The following FBXO34 variants were observed in gnomAD, a reference collection of about 807,000 sequenced individuals.
FBXO34 encodes the protein F-box only protein 34.
FBXO34 carries 12 observed loss-of-function variants against 24.5 expected under a neutral mutation model. The observed-to-expected ratio is 0.49, with a 90% CI of 0.31 to 0.79. The LOEUF is 0.79. FBXO34 is among the 30% of genes least tolerant of loss of function. The pLI is 0.04. For synonymous variants in FBXO34, 320 were observed against 311.9 expected, an observed-to-expected ratio of 1.03 and a Z score of -0.27; for missense variants, 823 against 857.7, an observed-to-expected ratio of 0.96 and a Z score of 0.51.
At chr14:55,309,079 A>G (rs999405832) in intron 1 of FBXO34, among the ~76,000 whole-genome samples, 1 of 152,218 alleles carries the variant, frequency 6.6e-6, no homozygotes, top group Non-Finnish European at 1.5e-5. Flanking sequence ...ACATGTATTT[A>G]ATATCATTAG....
At chr14:55,422,082 T>C in the FBXO34 span, among the ~76,000 whole-genome samples, 4 of 152,166 alleles carry the variant, frequency 2.6e-5, no homozygotes, top group African/African-American at 9.7e-5. Flanking sequence ...AATAGGATTA[T>C]AATAGGATAA....
intron 1 of FBXO34, among the ~76,000 whole-genome samples, chr14:55,332,575 A>C (rs1050602327): frequency 3.9e-5 from 6 of 152,182 alleles, no homozygotes; most frequent in Non-Finnish European, 5.9e-5. Context: ...TTTGCTTTCT[A>C]AAACTAGGAG....
intron 1 of FBXO34, among the ~76,000 whole-genome samples, chr14:55,292,440 G>T (rs1881973847): frequency 6.6e-6 from 1 of 151,954 alleles, no homozygotes; most frequent in Admixed American, 6.6e-5. Flanking sequence ...GCTCACTGCA[G>T]CCTCTACCTC....
chr14:55,381,224 C>G, the FBXO34 span, among the ~76,000 whole-genome samples: 22 of 152,166 alleles, frequency 1.4e-4, no homozygotes, highest in African/African-American at 5.1e-4. Flanking sequence ...CAGCACCCAG[C>G]AATGTGCATG....
At chr14:55,275,941 TATC>T (rs1881327621) in intron 1 of FBXO34, among the ~76,000 whole-genome samples, 1 of 148,752 alleles carries the variant, frequency 6.7e-6, no homozygotes, top group Admixed American at 6.7e-5. Flanking sequence ...GGGAATAGCT[TATC>T]ATAGCCCAAG....
chr14:55,398,057 C>T, the FBXO34 span, among the ~76,000 whole-genome samples: 1 of 150,152 alleles, frequency 6.7e-6, no homozygotes, highest in African/African-American at 2.5e-5. Context: ...ACGCCATTCT[C>T]CCGCCTCAGC....
chr14:55,280,716 C>T (rs974131542), intron 1 of FBXO34, among the ~76,000 whole-genome samples: 1 of 151,732 alleles, frequency 6.6e-6, no homozygotes, highest in African/African-American at 2.4e-5. Context: ...TTAGTAGAGA[C>T]GGGGTTTCAC....
chr14:55,284,943 T>G (rs913200681), intron 1 of FBXO34, among the ~76,000 whole-genome samples: 1 of 150,112 alleles, frequency 6.7e-6, no homozygotes. Context: ...TGCAGTTGTC[T>G]TGTTTTGTTT....
the FBXO34 span, chr14:55,411,907 G>C: frequency 1.2e-5 from 16 of 1,299,990 alleles, no homozygotes; most frequent in African/African-American, 3.0e-5. Context: ...CTGGGGAAGG[G>C]GGGCTGGGAT....
At chr14:55,344,773 C>A (rs1884105128) in intron 1 of FBXO34, among the ~76,000 whole-genome samples, 1 of 152,148 alleles carries the variant, frequency 6.6e-6, no homozygotes, top group Non-Finnish European at 1.5e-5. Context: ...TCCCTGTATC[C>A]ATGTGTTCTC....
the FBXO34 span, among the ~76,000 whole-genome samples, chr14:55,379,019 C>A: frequency 6.6e-6 from 1 of 152,002 alleles, no homozygotes; most frequent in African/African-American, 2.4e-5. Flanking sequence ...GCCCTCTCAT[C>A]CTGTTTTAAC....
At chr14:55,306,614 C>T (rs1262831280) in intron 1 of FBXO34, among the ~76,000 whole-genome samples, 1 of 152,116 alleles carries the variant, frequency 6.6e-6, no homozygotes, top group Non-Finnish European at 1.5e-5. Context: ...GGGCAGATCA[C>T]TTGAGGTCAG....
chr14:55,329,243 T>G (rs951482688), intron 1 of FBXO34, among the ~76,000 whole-genome samples: 9 of 151,966 alleles, frequency 5.9e-5, no homozygotes, highest in African/African-American at 2.2e-4. Flanking sequence ...GTTGCAGGAA[T>G]GAATGTGTCG....
chr14:55,279,477 T>C (rs1881460563), intron 1 of FBXO34, among the ~76,000 whole-genome samples: 1 of 152,160 alleles, frequency 6.6e-6, no homozygotes, highest in South Asian at 2.1e-4. Context: ...TTTGGCTGAA[T>C]TCACAGTGAA....
downstream of FBXO34, among the ~76,000 whole-genome samples, chr14:55,372,781 C>T (rs1884847907): frequency 6.6e-6 from 1 of 152,050 alleles, no homozygotes; most frequent in South Asian, 2.1e-4. Flanking sequence ...TTCTCCAATC[C>T]TGGGGTCTTA....
the FBXO34 span, chr14:55,436,704 A>T: frequency 6.2e-7 from 1 of 1,614,172 alleles, no homozygotes. Context: ...GCAGCTGTGA[A>T]TGGGAATTTG....
chr14:55,273,285 T>C (rs992461573), intron 1 of FBXO34, among the ~76,000 whole-genome samples: 3 of 152,212 alleles, frequency 2.0e-5, no homozygotes, highest in African/African-American at 7.2e-5. Flanking sequence ...ATGGAAGTTA[T>C]GCCCATTTTC....
intron 1 of FBXO34, among the ~76,000 whole-genome samples, chr14:55,277,720 G>A (rs1881390813): frequency 6.6e-6 from 1 of 152,174 alleles, no homozygotes; most frequent in Non-Finnish European, 1.5e-5. Context: ...TTTCTTAGGA[G>A]TGGATCTTGA....
At chr14:55,410,975 C>T in the FBXO34 span, among the ~76,000 whole-genome samples, 1 of 152,202 alleles carries the variant, frequency 6.6e-6, no homozygotes, top group Non-Finnish European at 1.5e-5. Flanking sequence ...ATTCTCTTAA[C>T]TAAAAGCATG....
Sources: allele counts gnomAD v4.1 joint callset (sites outside exome capture counted in the v4.1 genomes callset), GRCh38; gene constraint gnomAD v4.1.1; transcripts MANE v1.5; gene names NCBI Gene and HGNC (gene_info 2026-07-23, HGNC 2026-07-21).